MYLK: variants seen among roughly 807,000 people sequenced by gnomAD.
MYLK encodes the protein myosin light chain kinase, smooth muscle.
MYLK carries 106 observed loss-of-function variants against 203.4 expected under a neutral mutation model. The ratio of observed to expected loss-of-function variants is 0.52; its 90% confidence interval spans 0.45 to 0.61. The LOEUF (loss-of-function observed/expected upper bound fraction) is 0.61. Ranked by LOEUF, MYLK falls within the 20% of genes least tolerant of loss-of-function variation. The pLI is 0.00. For synonymous variants in MYLK, 867 were observed against 959.5 expected, an observed-to-expected ratio of 0.90 and a Z score of 1.78; for missense variants, 2,072 against 2,442.3, an observed-to-expected ratio of 0.85 and a Z score of 3.20.
intron 3 of MYLK, among the ~76,000 whole-genome samples, chr3:123,807,470 A>G (rs2065411225): frequency 6.6e-6 from 1 of 152,200 alleles, no homozygotes; most frequent in Non-Finnish European, 1.5e-5. Flanking sequence ...TTATTATAAC[A>G]AATACCTTAC....
chr3:123,709,429 C>T (rs1158765588), intron 14 of MYLK: 2 of 353,956 alleles, frequency 5.7e-6, no homozygotes, highest in Non-Finnish European at 5.4e-6. Context: ...CGTGAGCCAC[C>T]GTGCCCGGCC....
intron 20 of MYLK, among the ~76,000 whole-genome samples, chr3:123,677,918 T>A (rs191864158): frequency 1.3e-5 from 1 of 78,918 alleles, no homozygotes; most frequent in African/African-American, 6.1e-5. Context: ...TATATATATA[T>A]ACACACACAC....
At chr3:123,622,127 C>T (rs575032581) in intron 31 of MYLK, 2 of 152,498 alleles carry the variant, frequency 1.3e-5, no homozygotes, top group South Asian at 2.1e-4. Flanking sequence ...GCCCTCCCTA[C>T]GTAGTCAATG....
chr3:123,722,935 TACATGTG>T (rs1488576569), intron 12 of MYLK, among the ~76,000 whole-genome samples: 2 of 152,202 alleles, frequency 1.3e-5, no homozygotes, highest in African/African-American at 4.8e-5. Context: ...CAGAGTCCCT[TACATGTG>T]ACATGTTCCA....
At chr3:123,852,032 T>C (rs2030868175) in intron 2 of MYLK, among the ~76,000 whole-genome samples, 2 of 152,246 alleles carry the variant, frequency 1.3e-5, no homozygotes, top group East Asian at 1.9e-4. Context: ...GTTCTGTTAA[T>C]AGGCTGGATT....
chr3:123,831,391 C>A, intron 3 of MYLK, 157 bp downstream of exon 3: 1 of 1,289,616 alleles, frequency 7.8e-7, no homozygotes, highest in Non-Finnish European at 1.0e-6. Flanking sequence ...TGCCTTCACT[C>A]TTACCTGCTT....
Position 123,735,421 on chromosome 3 carries a change from A to G in MYLK, c.755-5T>C, listed in dbSNP as rs769518427. On this transcript the variant is annotated splice_polypyrimidine_tract_variant and splice_region_variant and intron_variant, in intron 8 of 33. Coordinates refer to ENST00000360304, the MANE Select transcript of MYLK (RefSeq NM_053025.4). ...ACCTATTGGCACTGTCCAAACCTGG[A>G]AAAAGGGGGAAGGGTGGAAAGACTG... 3 of 1,612,870 alleles carry G rather than the reference A, an allele frequency of 1.9e-6. No homozygotes were observed. Among genetic ancestry groups the G allele is most frequent in the South Asian group, 1.1e-5 (1 of 91,028 alleles).
In MYLK at chr3:123,743,535, G is replaced by T. The variant is rs528205758; in HGVS notation, c.374-3534C>A. Among the ~76,000 whole-genome samples, 207 of 152,282 alleles carry T rather than the reference G, an allele frequency of 1.4e-3. 1 individual carries two copies. The highest frequency in any genetic ancestry group is 4.8e-3 in the African/African-American group (198 of 41,562). On this transcript the variant is annotated intron_variant, in intron 5 of 33. Coordinates refer to ENST00000360304, the MANE Select transcript of MYLK (RefSeq NM_053025.4). ...TATGAAAATCTGGCAGAACAGTAAG[G>T]TTATGTAGAAAAATAAGTGGAAAGG...
At chr3:123,676,534 C>A (rs2060077347) in intron 20 of MYLK, among the ~76,000 whole-genome samples, 1 of 152,194 alleles carries the variant, frequency 6.6e-6, no homozygotes, top group South Asian at 2.1e-4. Context: ...ACACAACTTT[C>A]CATTTTAGAG....
chr3:123,698,874 C>T (rs56273904), intron 18 of MYLK: 15,453 of 151,052 alleles, frequency 0.1, 889 homozygotes, highest in South Asian at 0.14. Flanking sequence ...AAGGCAGGCA[C>T]GATAAAAGGT....
chr3:123,753,978 T>C (rs1349206835), intron 4 of MYLK, among the ~76,000 whole-genome samples: 1 of 152,252 alleles, frequency 6.6e-6, no homozygotes, highest in Non-Finnish European at 1.5e-5. Context: ...GCAATAATCC[T>C]ACTCACACCC....
intron 8 of MYLK, chr3:123,737,103 C>A (rs1473901580): frequency 1.5e-5 from 7 of 457,956 alleles, no homozygotes; most frequent in Non-Finnish European, 2.8e-5. Context: ...CCTGTAGTCC[C>A]AGCCACTCAG....
At chr3:123,708,095 A>C in intron 15 of MYLK, 92 bp from the exon 16 acceptor site, 3 of 1,551,202 alleles carry the variant, frequency 1.9e-6, no homozygotes, top group Non-Finnish European at 2.6e-6. Flanking sequence ...ATGGGAAGAT[A>C]GCATGTCACC....
chr3:123,746,230 G>T (rs2063011546), intron 5 of MYLK, among the ~76,000 whole-genome samples: 1 of 152,158 alleles, frequency 6.6e-6, no homozygotes, highest in African/African-American at 2.4e-5. Flanking sequence ...CATGCCTGTA[G>T]CCACAGCTTC....
At position 123,654,805 on chromosome 3, in the gene MYLK, C is replaced by T. The variant is rs567123297; in HGVS notation, c.4288+2321G>A. Among the ~76,000 whole-genome samples the T allele has an allele frequency of 9.1e-4, 137 of 151,346 alleles. 2 individuals are homozygous for T. The highest frequency in any genetic ancestry group is 3.3e-3 in the African/African-American group (136 of 41,104). On this transcript the variant is annotated intron_variant, in intron 24 of 33. Coordinates refer to ENST00000360304, the MANE Select transcript of MYLK (RefSeq NM_053025.4). The stretch of plus-strand genomic sequence containing the variant: ...AATCTTGGCTCACTACAACCTCTGC[C>T]TCCTGGGTTCAAGCGATCCTCCTGC...
intron 2 of MYLK, among the ~76,000 whole-genome samples, chr3:123,836,877 G>T (rs1243301556): frequency 6.6e-6 from 1 of 152,048 alleles, no homozygotes; most frequent in African/African-American, 2.4e-5. Context: ...AAATTTATAA[G>T]ACTAATAACT....
rs2057797405 is a variant in MYLK at position 123,620,500 on chromosome 3, G to A, written c.5239-164C>T. On this transcript the variant is annotated intron_variant, in intron 31 of 33. Coordinates refer to ENST00000360304, the MANE Select transcript of MYLK (RefSeq NM_053025.4). ...CTGCCAGAGGAGCGAACCCAACCTT[G>A]CTCTGCTCAGCACTGTCAGTGTGTC... The A allele has an allele frequency of 9.2e-6, 14 of 1,521,248 alleles. No individual in the cohort carries two copies. The South Asian group carries it at 1.5e-4, about 16-fold the overall frequency. 94.2% of individuals were successfully genotyped at this position (1,521,248 alleles called of 1,614,324 possible).
chr3:123,811,201 T>C (rs1221594782), intron 3 of MYLK, among the ~76,000 whole-genome samples: 1 of 152,082 alleles, frequency 6.6e-6, no homozygotes, highest in Admixed American at 6.6e-5. Context: ...GCGTGTCCCC[T>C]CTCAACCCTT....
chr3:123,710,106 T>C (rs751560750), intron 13 of MYLK, among the ~76,000 whole-genome samples: 46 of 152,316 alleles, frequency 3.0e-4, no homozygotes, highest in Admixed American at 5.2e-4. Context: ...TCTTGCCTGA[T>C]AGCCAGGAAT....
Sources: gnomAD v4.1 joint callset for allele counts (sites outside exome capture counted in the v4.1 genomes callset) on GRCh38, gnomAD v4.1.1 for gene constraint, MANE v1.5 for transcripts, NCBI Gene and HGNC (gene_info 2026-07-23, HGNC 2026-07-21) for gene names.